TSPAN32: variants seen among roughly 807,000 people sequenced by gnomAD.
TSPAN32 encodes the protein tetraspanin-32.
In TSPAN32, 47 loss-of-function variants were observed where a neutral mutation model predicts 42.7. That is an observed-to-expected ratio of 1.10 (90% confidence interval 0.87 to 1.40). The LOEUF (loss-of-function observed/expected upper bound fraction) is 1.40, where lower values mean the gene tolerates loss of function less well. Among genes scored for constraint, TSPAN32 ranks in the 40% most tolerant of loss-of-function variants. The pLI, the probability that TSPAN32 is intolerant of heterozygous loss-of-function variation, is 0.00. For synonymous variants in TSPAN32, 175 were observed against 175.9 expected (o/e 0.99, Z 0.04); for missense variants, 469 against 424.1 (o/e 1.11, Z -0.93).
At chr11:2,302,576 A>C (rs965266008) in intron 1 of TSPAN32, 2 of 551,464 alleles carry the variant, frequency 3.6e-6, no homozygotes, top group Non-Finnish European at 6.5e-6. Flanking sequence ...CACTCCGTAG[A>C]CACAATGATC....
intron 6 of TSPAN32, 69 bp downstream of exon 6, chr11:2,314,640 A>G: frequency 7.6e-7 from 1 of 1,309,192 alleles, no homozygotes; most frequent in African/African-American, 1.5e-5. Context: ...GCCCAACCCC[A>G]AGACCCAGGG....
Position 2,308,803 on chromosome 11 carries a change from C to A in TSPAN32, c.347C>A (p.Pro116His), listed in dbSNP as rs1317595931. ...GTGGTGTTCTGGAGACTCCACAGCC[C>A]CACCCAGGTGAGCACCAGCTGCCCC... is the stretch of plus-strand genomic sequence containing the variant. ...VQVVFWRLHSPTQVEDAMLDT... is the reference protein window; with the variant it reads ...VQVVFWRLHSHTQVEDAMLDT... Residue 116 changes from proline to histidine, a missense_variant, in exon 4 of 10, where the codon CCC becomes CAC. By Grantham distance (77) the Pro-to-His change is moderately conservative. Coordinates refer to ENST00000182290, the MANE Select transcript of TSPAN32 (RefSeq NM_139022.3). 1.3e-6 allele frequency: 2 copies of A among 1,566,964 alleles called. No homozygotes were observed. The highest frequency in any genetic ancestry group is 1.2e-5 in the South Asian group (1 of 85,108).
rs562066012 is a variant in TSPAN32, at chr11:2,308,227, C to T, written c.280-509C>T. On this transcript the variant is annotated intron_variant, in intron 3 of 9. Coordinates refer to ENST00000182290, the MANE Select transcript of TSPAN32 (RefSeq NM_139022.3). ...GGATGGGAAGGTGCTATGGAACCCACGCACCCAGCGCCCACGCTCTCCCCA... is the reference window on the plus strand; with the variant it reads ...GGATGGGAAGGTGCTATGGAACCCATGCACCCAGCGCCCACGCTCTCCCCA... Among the ~76,000 whole-genome samples the T allele has an allele frequency of 7.2e-5, 11 of 152,238 alleles. No individual in the cohort carries two copies. The East Asian group carries it at 1.4e-3, about 19-fold the overall frequency.
At chr11:2,316,697 C>T (rs1848820360) in intron 8 of TSPAN32, 30 bp downstream of exon 8, 1 of 1,513,044 alleles carries the variant, frequency 6.6e-7, no homozygotes, top group Non-Finnish European at 8.8e-7. Context: ...CCCACACCCT[C>T]TGGAAGGGTC....
rs1193216212 is a variant in TSPAN32 at position 2,302,245 on chromosome 11, G to C, written c.66+30G>C. On this transcript the variant is annotated intron_variant, in intron 1 of 9. Transcript: ENST00000182290. ...CAGGCAGGTCGGGCAGGAGTGGGTG[G>C]TGGGTGGGGGTGAGCAGGGGTGAGG... is the stretch of plus-strand genomic sequence containing the variant. The C allele has an allele frequency of 2.2e-6, 3 of 1,379,120 alleles. No individual in the cohort carries two copies. The East Asian group carries it at 8.1e-5, about 37-fold the overall frequency. 85.4% of individuals were successfully genotyped at this position (1,379,120 alleles called of 1,614,324 possible).
chr11:2,306,595 T>C (rs1848107795), intron 3 of TSPAN32, among the ~76,000 whole-genome samples: 1 of 151,144 alleles, frequency 6.6e-6, no homozygotes. Context: ...CCGTGGATGC[T>C]CTTTCTCCTG....
rs61744929 is a variant in TSPAN32, at chr11:2,304,197, T to C, written c.272T>C (p.Met91Thr). 0.014 allele frequency: 22,180 copies of C among 1,570,634 alleles called. 226 individuals carry two copies. The highest frequency in any genetic ancestry group is 0.017 in the Non-Finnish European group (20,074 of 1,158,984). The change falls in exon 3 of 10, where the codon ATG becomes ACG. Residue 91 changes from methionine (M) to threonine (T), a missense_variant. Transcript: ENST00000182290. This position sits in a 1 kb window ranked among gnomAD's most constrained non-coding sequence, Gnocchi z 4.8. Reference protein sequence around the residue: ...AATVREAQGLMAGGFLCFSLA... With the variant: ...AATVREAQGLTAGGFLCFSLA... The stretch of plus-strand genomic sequence containing the variant: ...ACCGTGAGGGAGGCCCAGGGCCTCA[T>C]GGCAGGGGTGAGTTCATTGTGTTCC...
intron 1 of TSPAN32, among the ~76,000 whole-genome samples, chr11:2,302,522 C>A (rs1431643656): frequency 6.6e-6 from 1 of 152,200 alleles, no homozygotes; most frequent in Non-Finnish European, 1.5e-5. Flanking sequence ...ATCTTCTCCC[C>A]TTCCTGCCCC....
At chr11:2,308,708 A>G in intron 3 of TSPAN32, 28 bp from the exon 4 acceptor site, 2 of 1,396,938 alleles carry the variant, frequency 1.4e-6, no homozygotes, top group Non-Finnish European at 2.0e-6. Flanking sequence ...CCAGCCCTCA[A>G]CAGTGACCAG....
At position 2,304,269 on chromosome 11, in the gene TSPAN32, G is replaced by T; in HGVS notation, c.279+65G>T. 8.0e-7 allele frequency: 1 copy of T among 1,246,038 alleles called. No individual in the cohort carries two copies. The highest frequency in any genetic ancestry group is 1.1e-6 in the Non-Finnish European group (1 of 913,960). 77.2% of individuals were successfully genotyped at this position (1,246,038 alleles called of 1,614,324 possible). On this transcript the variant is annotated intron_variant, in intron 3 of 9. Coordinates refer to ENST00000182290, the MANE Select transcript of TSPAN32 (RefSeq NM_139022.3). The surrounding 1 kb of genome is among the most constrained non-coding windows in gnomAD (Gnocchi z 4.8). ...AAGAATTAGAAAGGAGTGAAGAGCT[G>T]GCAGGGCTGTGTGCCACCCCCACAC...
intron 2 of TSPAN32, among the ~76,000 whole-genome samples, 152 bp from the exon 3 acceptor site, chr11:2,303,955 C>T (rs1847917638): frequency 6.6e-6 from 1 of 152,164 alleles, no homozygotes. Context: ...CTCCTTCCCT[C>T]AGGGCCGTCT....
intron 4 of TSPAN32, among the ~76,000 whole-genome samples, chr11:2,311,425 T>C (rs1848451784): frequency 1.3e-5 from 2 of 152,190 alleles, no homozygotes; most frequent in Non-Finnish European, 2.9e-5. Flanking sequence ...ACCCTCCCCC[T>C]GTGCCCTGAC....
At chr11:2,316,351 T>G in intron 7 of TSPAN32, 39 bp downstream of exon 7, 16 of 1,564,652 alleles carry the variant, frequency 1.0e-5, no homozygotes, top group Non-Finnish European at 1.4e-5. Flanking sequence ...TCCCACCTCC[T>G]GCCCCTCAGC....
chr11:2,307,092 C>G (rs1848162769), intron 3 of TSPAN32: 1 of 153,632 alleles, frequency 6.5e-6, no homozygotes, highest in Non-Finnish European at 1.4e-5. Context: ...AGGCCATCCC[C>G]CATCAGGCCT....
intron 1 of TSPAN32, 100 bp from the exon 2 acceptor site, chr11:2,302,744 C>T (rs1589792015): frequency 1.5e-5 from 14 of 929,546 alleles, no homozygotes; most frequent in Non-Finnish European, 2.2e-5. Context: ...TCTCACGGGA[C>T]CGGGAAGCTG....
At position 2,314,655 on chromosome 11, in the gene TSPAN32, C is replaced by A; in HGVS notation, c.543+84C>A. On this transcript the variant is annotated intron_variant, in intron 6 of 9. Coordinates refer to ENST00000182290, the MANE Select transcript of TSPAN32 (RefSeq NM_139022.3). ...GCCCAACCCCAAGACCCAGGGCCAT[C>A]CTCCCACCCCACCCCTTGGCCTCCC... is the stretch of plus-strand genomic sequence containing the variant. 3 of 1,112,516 alleles carry A rather than the reference C, an allele frequency of 2.7e-6. No homozygotes were observed. In the South Asian group the frequency reaches 4.1e-5, roughly 15 times the overall value. 68.9% of individuals were successfully genotyped at this position (1,112,516 alleles called of 1,614,324 possible).
In TSPAN32 at chr11:2,313,501, C is replaced by T. The variant is rs2234298; in HGVS notation, c.355-153C>T. Among the ~76,000 whole-genome samples the T allele has an allele frequency of 8.0e-4, 122 of 152,270 alleles. 1 individual carries two copies. In the South Asian group the frequency reaches 0.022, roughly 27 times the overall value. ...GACTGGCTGCCCAGGGACCCAGGTT[C>T]CGCTTTGGGGAGATCCACCTGCTAC... On this transcript the variant is annotated intron_variant, in intron 4 of 9. Transcript: ENST00000182290. The surrounding 1 kb of genome is among the most constrained non-coding windows in gnomAD (Gnocchi z 9.1).
rs768176224 is a variant in TSPAN32, at chr11:2,317,272, A to T, written c.720-72A>T. On this transcript the variant is annotated intron_variant, in intron 8 of 9. Transcript: ENST00000182290. The surrounding 1 kb of genome is among the most constrained non-coding windows in gnomAD (Gnocchi z 6.2). The stretch of plus-strand genomic sequence containing the variant: ...CAACAGCCCCATGATCCCCTCTAGA[A>T]CATTCCACAATAGCCTCACAGGTCC... The T allele has an allele frequency of 3.2e-6, 4 of 1,263,158 alleles. No homozygotes were observed. The highest frequency in any genetic ancestry group is 4.5e-6 in the Non-Finnish European group (4 of 896,238). 78.2% of individuals were successfully genotyped at this position (1,263,158 alleles called of 1,614,324 possible). A position where few individuals can be genotyped will look rare whatever the true frequency, so the allele number is the denominator to read the frequency against.
chr11:2,305,583 C>T (rs549536516), intron 3 of TSPAN32, among the ~76,000 whole-genome samples: 1 of 152,342 alleles, frequency 6.6e-6, no homozygotes, highest in African/African-American at 2.4e-5. Context: ...GCTCCTGTCC[C>T]AGTCACCAGC....
Sources: gnomAD v4.1 joint callset for allele counts (sites outside exome capture counted in the v4.1 genomes callset) on GRCh38, gnomAD v4.1.1 for gene constraint, Gnocchi (gnomAD v3.1) non-coding constraint, MANE v1.5 for transcripts, NCBI Gene and HGNC (gene_info 2026-07-23, HGNC 2026-07-21) for gene names.